Variants in DOK7 observed in about 807,000 individuals in gnomAD.
The protein encoded by DOK7 is protein Dok-7.
A neutral mutation model predicts 30.7 loss-of-function variants in DOK7; 32 were observed. The ratio of observed to expected loss-of-function variants is 1.04; its 90% CI spans 0.79 to 1.40. The LOEUF is 1.40. DOK7 is among the 40% of genes most tolerant of loss of function. DOK7 has a pLI of 0.00. For missense variants in DOK7, 1,007 were observed against 699.2 expected (o/e 1.44, Z -4.97); for synonymous variants, 447 against 324.1 (o/e 1.38, Z -4.07).
intron 2 of DOK7, among the ~76,000 whole-genome samples, chr4:3,468,665 T>C (rs1322276219): frequency 8.9e-6 from 1 of 112,188 alleles, no homozygotes; most frequent in Non-Finnish European, 2.1e-5. Flanking sequence ...TGAGTGTGTG[T>C]GCCTGTGTGC....
chr4:3,498,439 C>T (rs1729030577), downstream of DOK7, among the ~76,000 whole-genome samples: 1 of 152,198 alleles, frequency 6.6e-6, no homozygotes, highest in Non-Finnish European at 1.5e-5. Context: ...CCCTCACCGC[C>T]CAACCTTGGG....
downstream of DOK7, among the ~76,000 whole-genome samples, chr4:3,495,025 G>A (rs144417718): frequency 1.3e-4 from 20 of 152,314 alleles, no homozygotes; most frequent in Non-Finnish European, 2.5e-4. Context: ...CTGCAGCAGT[G>A]CCTGGTGAGC....
intron 2 of DOK7, among the ~76,000 whole-genome samples, chr4:3,472,933 G>C (rs751694893): frequency 1.3e-5 from 2 of 152,230 alleles, no homozygotes; most frequent in Non-Finnish European, 2.9e-5. Flanking sequence ...GGGGCGGTGG[G>C]TCTCGAGGCA....
chr4:3,497,792 A>G (rs989949215), downstream of DOK7, among the ~76,000 whole-genome samples: 1 of 152,064 alleles, frequency 6.6e-6, no homozygotes, highest in African/African-American at 2.4e-5. Context: ...AGCCCCCACC[A>G]GTCTGCCTTG....
At chr4:3,464,967 A>T (rs1000997183) in intron 2 of DOK7, among the ~76,000 whole-genome samples, 1 of 152,112 alleles carries the variant, frequency 6.6e-6, no homozygotes, top group Non-Finnish European at 1.5e-5. Context: ...TATCCTGCGC[A>T]GTTGAGATCT....
intron 2 of DOK7, among the ~76,000 whole-genome samples, chr4:3,468,215 C>T (rs557872906): frequency 1.4e-5 from 2 of 144,708 alleles, no homozygotes; most frequent in South Asian, 2.3e-4. Context: ...TGTGTGTGTG[C>T]ATGTGAATAC....
intron 2 of DOK7, among the ~76,000 whole-genome samples, chr4:3,468,492 G>A (rs1271904625): frequency 6.6e-6 from 1 of 151,596 alleles, no homozygotes; most frequent in Non-Finnish European, 1.5e-5. Context: ...ACATGTATGA[G>A]TGTGCATGTG....
In DOK7 at chr4:3,493,783, G is replaced by A. The variant is rs1446383303; in HGVS notation, c.*282G>A. The A allele has an allele frequency of 1.5e-6, 2 of 1,375,048 alleles. No homozygotes were observed. Among genetic ancestry groups the A allele is most frequent in the East Asian group, 5.7e-5 (2 of 35,158 alleles). 85.2% of individuals were successfully genotyped at this position (1,375,048 alleles called of 1,614,324 possible). ...TTCACTCCGTGTCCCCCACCCCTGAGGATCAGGTGAGTGCTGCACCTCTGT... is the reference window on the plus strand; with the variant it reads ...TTCACTCCGTGTCCCCCACCCCTGAAGATCAGGTGAGTGCTGCACCTCTGT... On this transcript the variant is annotated 3_prime_UTR_variant, in exon 7 of 7. Coordinates refer to ENST00000340083, the MANE Select transcript of DOK7 (RefSeq NM_173660.5).
At chr4:3,498,669 C>A (rs1318705854), downstream of DOK7, among the ~76,000 whole-genome samples, 1 of 152,098 alleles carries the variant, frequency 6.6e-6, no homozygotes, top group Non-Finnish European at 1.5e-5. Context: ...GCCCCCTCCT[C>A]TAGGCAGCTG....
At chr4:3,488,958 C>G (rs1167941459) in intron 5 of DOK7, among the ~76,000 whole-genome samples, 1 of 152,182 alleles carries the variant, frequency 6.6e-6, no homozygotes, top group Non-Finnish European at 1.5e-5. Context: ...GGCTTGGGGA[C>G]CAGGGCAGTG....
intron 4 of DOK7, among the ~76,000 whole-genome samples, chr4:3,479,238 C>T (rs953156279): frequency 6.6e-6 from 1 of 152,236 alleles, no homozygotes; most frequent in South Asian, 2.1e-4. Flanking sequence ...CTGGCTCCTG[C>T]GTGAGCCTCC....
At chr4:3,481,934 C>T (rs1434408469) in intron 4 of DOK7, among the ~76,000 whole-genome samples, 1 of 152,096 alleles carries the variant, frequency 6.6e-6, no homozygotes, top group Non-Finnish European at 1.5e-5. Context: ...GTGAGGTTTG[C>T]CTGCCGCTCA....
At chr4:3,491,267 C>A (rs1728402445) in intron 6 of DOK7, among the ~76,000 whole-genome samples, 1 of 119,538 alleles carries the variant, frequency 8.4e-6, no homozygotes, top group Non-Finnish European at 1.7e-5. Flanking sequence ...TCATTCATTC[C>A]TTCATTCATT....
intron 2 of DOK7, among the ~76,000 whole-genome samples, chr4:3,472,846 G>A (rs138623546): frequency 6.6e-6 from 1 of 152,224 alleles, no homozygotes; most frequent in South Asian, 2.1e-4. Flanking sequence ...GATGGGGATG[G>A]GACCCAAGGC....
intron 6 of DOK7, among the ~76,000 whole-genome samples, chr4:3,492,301 C>T (rs1167918819): frequency 3.3e-5 from 5 of 151,786 alleles, no homozygotes; most frequent in Non-Finnish European, 4.4e-5. Flanking sequence ...TGCCTCGTGT[C>T]CAGGCTGGCA....
chr4:3,491,613 G>C (rs1299467136), intron 6 of DOK7, among the ~76,000 whole-genome samples: 1 of 151,676 alleles, frequency 6.6e-6, no homozygotes, highest in Non-Finnish European at 1.5e-5. Flanking sequence ...AGGTGCTGAC[G>C]GGAAAGGTGG....
chr4:3,480,247 T>G lies in DOK7; in HGVS notation c.532+3705T>G, dbSNP rs369364352. Reference sequence around the variant, plus strand: ...AGCTGGGTCCAGTCCAAGGACCATATCTGCCTCTTTGCCCAGCCTCTGGGG... The same window carrying G: ...AGCTGGGTCCAGTCCAAGGACCATAGCTGCCTCTTTGCCCAGCCTCTGGGG... On this transcript the variant is annotated intron_variant, in intron 4 of 6. Transcript: ENST00000340083. Among the ~76,000 whole-genome samples, 29 of 152,306 alleles carry G rather than the reference T, an allele frequency of 1.9e-4. 7 individuals are homozygous for G. The highest frequency in any genetic ancestry group is 8.3e-4 in the South Asian group (4 of 4,820).
At chr4:3,489,115 C>T (rs1382531916) in intron 5 of DOK7, among the ~76,000 whole-genome samples, 1 of 152,132 alleles carries the variant, frequency 6.6e-6, no homozygotes, top group Non-Finnish European at 1.5e-5. Context: ...CTGGATGCAG[C>T]CCTGAGGGGA....
downstream of DOK7, among the ~76,000 whole-genome samples, chr4:3,495,567 C>T (rs55887711): frequency 0.14 from 20,733 of 152,236 alleles, 1,542 homozygotes; most frequent in African/African-American, 0.18. Context: ...CTGAAGGTTC[C>T]GGCCACCGCC....
Sources: gnomAD v4.1 joint callset for allele counts (sites outside exome capture counted in the v4.1 genomes callset) on GRCh38, gnomAD v4.1.1 for gene constraint, MANE v1.5 for transcripts, NCBI Gene and HGNC (gene_info 2026-07-23, HGNC 2026-07-21) for gene names.